The following ADAM11 variants were observed in gnomAD, a reference collection of about 807,000 sequenced individuals.
ADAM11 encodes disintegrin and metalloproteinase domain-containing protein 11.
A neutral mutation model predicts 119.1 loss-of-function variants in ADAM11; 49 were observed. The ratio of observed to expected loss-of-function variants is 0.41; its 90% CI spans 0.33 to 0.52. ADAM11 has a LOEUF of 0.52. Ranked by LOEUF, ADAM11 falls within the 20% of genes least tolerant of loss-of-function variation. The pLI is 0.20. For missense variants in ADAM11, 777 were observed against 1,047.5 expected (o/e 0.74, Z 3.56); for synonymous variants, 364 against 408.0 (o/e 0.89, Z 1.30).
In ADAM11 at chr17:44,777,445, C is replaced by T; in HGVS notation, c.1782-37C>T. 6.2e-7 allele frequency: 1 copy of T among 1,608,246 alleles called. No homozygotes were observed. The highest frequency in any genetic ancestry group is 1.7e-5 in the Admixed American group (1 of 59,948). On this transcript the variant is annotated intron_variant, in intron 21 of 26. Transcript: ENST00000200557. This position sits in a 1 kb window ranked among gnomAD's most constrained non-coding sequence, Gnocchi z 5.1. The stretch of plus-strand genomic sequence containing the variant: ...AGAGTTCAGTAGTTGAGTCTGAGGT[C>T]AAACTTGGGGCTCACTGTCTCTATA...
intron 2 of ADAM11, among the ~76,000 whole-genome samples, chr17:44,764,486 G>C (rs2049424472): frequency 6.6e-6 from 1 of 152,172 alleles, no homozygotes; most frequent in Non-Finnish European, 1.5e-5. Context: ...CTCCTGGGTT[G>C]GGGCAGATGG....
intron 2 of ADAM11, among the ~76,000 whole-genome samples, chr17:44,766,047 T>C (rs1177962613): frequency 6.6e-6 from 1 of 152,196 alleles, no homozygotes; most frequent in Non-Finnish European, 1.5e-5. Context: ...GCATCGCCCT[T>C]GCTCCAGGGA....
At chr17:44,767,373 AAAAAG>A (rs1479509406) in intron 2 of ADAM11, among the ~76,000 whole-genome samples, 2 of 151,414 alleles carry the variant, frequency 1.3e-5, no homozygotes, top group Non-Finnish European at 2.9e-5. Flanking sequence ...AAAAAAAAAA[AAAAAG>A]AACATTGGCC....
rs1415927498 is a variant in ADAM11 at position 44,779,987 on chromosome 17, C to G, written c.*233C>G. ...ACAGTCCCCCACCCACCTCCTGCGG[C>G]TCAGCCTTGCACACCCACTGCCCCG... is the stretch of plus-strand genomic sequence containing the variant. On this transcript the variant is annotated 3_prime_UTR_variant, in exon 27 of 27. Coordinates refer to ENST00000200557, the MANE Select transcript of ADAM11 (RefSeq NM_002390.6). The G allele has an allele frequency of 1.4e-6, 1 of 713,794 alleles. No individual in the cohort carries two copies. Among genetic ancestry groups the G allele is most frequent in the East Asian group, 2.7e-5 (1 of 37,268 alleles). 44.2% of individuals were successfully genotyped at this position (713,794 alleles called of 1,614,324 possible). A position where few individuals can be genotyped will look rare whatever the true frequency, so the allele number is the denominator to read the frequency against.
chr17:44,774,441 C>T (rs758320546), intron 12 of ADAM11, 51 bp from the exon 13 acceptor site: 2 of 1,594,226 alleles, frequency 1.3e-6, no homozygotes, highest in Non-Finnish European at 1.7e-6. Flanking sequence ...AGGGGCACGA[C>T]GTGCCTGTTG....
chr17:44,777,553 A>C lies in ADAM11; in HGVS notation c.1853A>C (p.Asp618Ala). 2 of 1,614,036 alleles carry C rather than the reference A, an allele frequency of 1.2e-6. No individual in the cohort carries two copies. The highest frequency in any genetic ancestry group is 1.7e-6 in the Non-Finnish European group (2 of 1,180,004). Residue 618 changes from aspartate (D) to alanine (A), a missense_variant, in exon 22 of 27, where the codon GAC becomes GCC. Physicochemically the swap from Asp to Ala is moderately radical, Grantham distance 126 (BLOSUM62 -2). Transcript: ENST00000200557. This position sits in a 1 kb window ranked among gnomAD's most constrained non-coding sequence, Gnocchi z 5.1. ...GAPRLGDLVG[D>A]ISSVTFYHQG... ...CCTCGGCTAGGGGACCTGGTGGGAG[A>C]CATCAGTAGTGTCACCTTCTACCAC...
intron 2 of ADAM11, among the ~76,000 whole-genome samples, chr17:44,761,036 G>C (rs982993396): frequency 8.6e-5 from 13 of 151,494 alleles, no homozygotes; most frequent in Non-Finnish European, 1.9e-4. Flanking sequence ...GGGGTGGGGT[G>C]GGGGGTGGAA....
intron 2 of ADAM11, among the ~76,000 whole-genome samples, chr17:44,767,377 AGAACATTGGCCTAATGCTGG>A (rs2049463779): frequency 6.7e-6 from 1 of 149,640 alleles, no homozygotes; most frequent in Admixed American, 6.7e-5. Flanking sequence ...AAAAAAAAAA[AGAACATTGGCCTAATGCTGG>A]GCGGGCTTGG....
Position 44,779,838 on chromosome 17 carries a change from G to A in ADAM11, c.*84G>A. On this transcript the variant is annotated 3_prime_UTR_variant, in exon 27 of 27. Coordinates refer to ENST00000200557, the MANE Select transcript of ADAM11 (RefSeq NM_002390.6). ...TGCCCCCATCCAGCCACGGAGGGAG[G>A]CACCATGCAAATGTCTTCCAGGTCC... 1.3e-6 allele frequency: 2 copies of A among 1,554,916 alleles called. No individual in the cohort carries two copies. Among genetic ancestry groups the A allele is most frequent in the Non-Finnish European group, 8.9e-7 (1 of 1,129,706 alleles).
Position 44,774,154 on chromosome 17 carries a change from G to A in ADAM11, c.993-141G>A, listed in dbSNP as rs900214526. 5.9e-6 allele frequency: 3 copies of A among 507,310 alleles called. No homozygotes were observed. In the African/African-American group the frequency reaches 6.0e-5, roughly 10 times the overall value. 31.4% of individuals were successfully genotyped at this position (507,310 alleles called of 1,614,324 possible). On this transcript the variant is annotated intron_variant, in intron 11 of 26. Coordinates refer to ENST00000200557, the MANE Select transcript of ADAM11 (RefSeq NM_002390.6). ...AGGAGGGGGGGAAGGGTCTTGCCTG[G>A]GGTCACCAAGGCTGATGTAAAGGGC...
chr17:44,780,081 G>C lies in ADAM11; in HGVS notation c.*327G>C, dbSNP rs907769765. On this transcript the variant is annotated 3_prime_UTR_variant, in exon 27 of 27. Coordinates refer to ENST00000200557, the MANE Select transcript of ADAM11 (RefSeq NM_002390.6). ...GGGGGCGCCTGGAGGGATGCCCCCA[G>C]GCAGCCACCAGTGGACCTAGCCTGG... The C allele has an allele frequency of 1.4e-4, 91 of 656,196 alleles. No individual in the cohort carries two copies. The highest frequency in any genetic ancestry group is 5.9e-5 in the Non-Finnish European group (21 of 354,536). The allele number at this position is 656,196 out of a possible 1,614,324, so 40.6% of individuals were successfully genotyped here.
chr17:44,760,735 T>G (rs933011928), intron 2 of ADAM11, among the ~76,000 whole-genome samples: 1 of 151,942 alleles, frequency 6.6e-6, no homozygotes, highest in Non-Finnish European at 1.5e-5. Flanking sequence ...TGGGAAGTTT[T>G]GGCAGCGGGG....
In ADAM11 at chr17:44,777,962, A is replaced by G. The variant is rs1264997495; in HGVS notation, c.2081A>G (p.Asn694Ser). The G allele has an allele frequency of 1.9e-6, 3 of 1,613,954 alleles. No homozygotes were observed. Among genetic ancestry groups the G allele is most frequent in the Admixed American group, 3.3e-5 (2 of 59,972 alleles). Residue 694 changes from asparagine (N) to serine (S), a missense_variant, in exon 24 of 27, where the codon AAT becomes AGT. Transcript: ENST00000200557. The surrounding 1 kb of genome is among the most constrained non-coding windows in gnomAD (Gnocchi z 5.1). ...RICSHHGVCS[N>S]EGKCICQPDW... ...CTGCCCTGCCTCTAGGTCTGCAGCA[A>G]TGAAGGGAAGTGCATCTGTCAGCCA...
At chr17:44,770,117 A>C (rs1598887242) in intron 4 of ADAM11, 69 bp downstream of exon 4, 2 of 1,572,036 alleles carry the variant, frequency 1.3e-6, no homozygotes, top group Non-Finnish European at 1.7e-6. Flanking sequence ...TTCTGTGGTC[A>C]CAGGTGTAGG....
At position 44,759,848 on chromosome 17, in the gene ADAM11, G is replaced by C. The variant is rs1029282181; in HGVS notation, c.188G>C (p.Arg63Pro). 3.8e-6 allele frequency: 5 copies of C among 1,313,762 alleles called. No homozygotes were observed. Among genetic ancestry groups the C allele is most frequent in the Non-Finnish European group, 4.9e-6 (5 of 1,023,190 alleles). 81.4% of individuals were successfully genotyped at this position (1,313,762 alleles called of 1,614,324 possible). Residue 63 changes from arginine to proline, a missense_variant, in exon 2 of 27, where the codon CGA (arginine) becomes CCA (proline). By Grantham distance (103) the Arg-to-Pro change is moderately radical. Coordinates refer to ENST00000200557, the MANE Select transcript of ADAM11 (RefSeq NM_002390.6). ...AGGGAGAGCTCCGGGGGAGAGGTCC[G>C]AAAGCAGCAGCTGGACACAAGGGTC... Reference protein sequence around the residue: ...LVRESSGGEVRKQQLDTRVRQ... With the variant: ...LVRESSGGEVPKQQLDTRVRQ...
chr17:44,759,941 C>T, intron 2 of ADAM11, 44 bp downstream of exon 2: 1 of 1,253,784 alleles, frequency 8.0e-7, no homozygotes, highest in Non-Finnish European at 1.0e-6. Context: ...AAGCAGGCCT[C>T]AGAGCCCCAG....
In ADAM11 at chr17:44,777,211, C is replaced by T. The variant is rs370482564; in HGVS notation, c.1727C>T (p.Thr576Met). Residue 576 changes from threonine to methionine, a missense_variant, in exon 21 of 27, where the codon ACG becomes ATG. Thr to Met is a moderately conservative substitution (Grantham distance 81). Transcript: ENST00000200557. This position sits in a 1 kb window ranked among gnomAD's most constrained non-coding sequence, Gnocchi z 5.1. Reference protein sequence around the residue: ...FCYEKLNVEGTERGSCGRKGS... With the variant: ...FCYEKLNVEGMERGSCGRKGS... The stretch of plus-strand genomic sequence containing the variant: ...TACGAGAAGCTGAATGTGGAGGGGA[C>T]GGAGCGTGGGAGCTGTGGGCGCAAG... 3.4e-5 allele frequency: 55 copies of T among 1,608,872 alleles called. No individual in the cohort carries two copies. The highest frequency in any genetic ancestry group is 3.3e-4 in the East Asian group (15 of 44,850).
chr17:44,772,426 C>G lies in ADAM11; in HGVS notation c.638C>G (p.Ser213Trp). Residue 213 changes from serine (S) to tryptophan (W), a missense_variant, in exon 8 of 27, where the codon TCG becomes TGG. Physicochemically the swap from Ser to Trp is radical, Grantham distance 177. This residue lies in a region of ADAM11 where 278 missense variants were observed against 310.1 expected (regional missense o/e 0.90). Transcript: ENST00000200557. This position sits in a 1 kb window ranked among gnomAD's most constrained non-coding sequence, Gnocchi z 4.5. ...TGCCTGTTTGCTGTGCCTGCCCAGT[C>G]GGCTCCTCCAAACCGGCCGAGGCTG... ...PGCLFAVPAQ[S>W]APPNRPRLRR... The G allele has an allele frequency of 6.3e-7, 1 of 1,577,886 alleles. No individual in the cohort carries two copies. The highest frequency in any genetic ancestry group is 8.6e-7 in the Non-Finnish European group (1 of 1,161,240).
chr17:44,765,002 A>G (rs1448056441), intron 2 of ADAM11, among the ~76,000 whole-genome samples: 1 of 152,054 alleles, frequency 6.6e-6, no homozygotes, highest in Non-Finnish European at 1.5e-5. Flanking sequence ...TCACCCAAGC[A>G]ACCTCCTGGC....
Sources: gnomAD v4.1 joint callset for allele counts (sites outside exome capture counted in the v4.1 genomes callset) on GRCh38, gnomAD v4.1.1 for gene constraint, gnomAD v4.1.1 regional missense constraint, Gnocchi (gnomAD v3.1) non-coding constraint, MANE v1.5 for transcripts, NCBI Gene and HGNC (gene_info 2026-07-23, HGNC 2026-07-21) for gene names.